The following CLDN16 variants were observed in gnomAD, a reference collection of about 807,000 sequenced individuals.
CLDN16 encodes claudin-16.
CLDN16 carries 13 observed loss-of-function variants against 24.6 expected under a neutral mutation model. That is an observed-to-expected ratio of 0.53 (90% CI 0.34 to 0.84). CLDN16 has a LOEUF of 0.84. Ranked by LOEUF, CLDN16 falls within the 40% of genes least tolerant of loss-of-function variation. CLDN16 has a pLI of 0.01. For missense variants in CLDN16, 298 were observed against 292.7 expected (o/e 1.02, Z -0.13); for synonymous variants, 116 against 106.7 (o/e 1.09, Z -0.54).
intron 1 of CLDN16, among the ~76,000 whole-genome samples, chr3:190,392,484 A>C (rs1380601847): frequency 6.6e-6 from 1 of 152,126 alleles, no homozygotes; most frequent in Non-Finnish European, 1.5e-5. Context: ...ATGAAGTAGG[A>C]TGAGACCTGG....
rs1169192099 is a variant in CLDN16 at position 190,365,799 on chromosome 3, A to G, written n.122-5094A>G. On this transcript the variant is annotated intron_variant and non_coding_transcript_variant, in intron 1 of 4. Transcript: ENST00000468220. ...GGCAATTTATTCACCATTGTGTTCC[A>G]TTCCTCCCCTAGCCGACCCAGTTCT... Among the ~76,000 whole-genome samples, 3 of 151,512 alleles carry G rather than the reference A, an allele frequency of 2.0e-5. No individual in the cohort carries two copies. The East Asian group carries it at 5.9e-4, about 30-fold the overall frequency.
upstream of CLDN16, among the ~76,000 whole-genome samples, chr3:190,385,467 A>G (rs1268947577): frequency 1.3e-5 from 2 of 152,192 alleles, no homozygotes; most frequent in African/African-American, 4.8e-5. Context: ...AGAGTAGTAA[A>G]CTTAAATTCA....
chr3:190,346,820 G>A (rs1026488014), intron 1 of CLDN16, among the ~76,000 whole-genome samples: 1 of 152,084 alleles, frequency 6.6e-6, no homozygotes, highest in African/African-American at 2.4e-5. Context: ...ATTCTCCCCT[G>A]TGTCTCCCAT....
intron 3 of CLDN16, among the ~76,000 whole-genome samples, chr3:190,405,493 TA>T (rs1195613326): frequency 2.0e-5 from 3 of 151,750 alleles, no homozygotes; most frequent in African/African-American, 4.8e-5. Context: ...TTTGGCCATT[TA>T]AAAAGTTACA....
chr3:190,396,990 G>C (rs1023038776), intron 1 of CLDN16, among the ~76,000 whole-genome samples: 1 of 152,164 alleles, frequency 6.6e-6, no homozygotes, highest in African/African-American at 2.4e-5. Context: ...GGAACCTGGT[G>C]AGCCTGAGCT....
chr3:190,296,131 A>T, the CLDN16 span, among the ~76,000 whole-genome samples: 1 of 152,220 alleles, frequency 6.6e-6, no homozygotes, highest in Non-Finnish European at 1.5e-5. Context: ...TTTGAGCTTT[A>T]CTATGTGATA....
the CLDN16 span, among the ~76,000 whole-genome samples, chr3:190,296,845 C>T: frequency 1.3e-5 from 2 of 152,086 alleles, no homozygotes; most frequent in African/African-American, 2.4e-5. Flanking sequence ...CCACCGCGCC[C>T]GGCCCAGATT....
chr3:190,303,915 A>T, the CLDN16 span, among the ~76,000 whole-genome samples: 3 of 152,184 alleles, frequency 2.0e-5, no homozygotes, highest in Admixed American at 6.5e-5. Context: ...CCCAATCCTG[A>T]ACCAGAAAAT....
chr3:190,293,531 A>G, the CLDN16 span, among the ~76,000 whole-genome samples: 1 of 152,248 alleles, frequency 6.6e-6, no homozygotes, highest in Non-Finnish European at 1.5e-5. Context: ...CTCTCTGGAA[A>G]TTAGACCATG....
At chr3:190,391,527 A>G (rs899219156) in intron 1 of CLDN16, among the ~76,000 whole-genome samples, 9 of 152,214 alleles carry the variant, frequency 5.9e-5, no homozygotes, top group African/African-American at 1.9e-4. Context: ...CCATCGAAGC[A>G]GGTCTCATGA....
chr3:190,323,003 TACACAC>T (rs147722582), intron 1 of CLDN16, among the ~76,000 whole-genome samples: 3 of 144,512 alleles, frequency 2.1e-5, no homozygotes, highest in Non-Finnish European at 3.0e-5. Context: ...CAACATGATT[TACACAC>T]ACACACACAC....
At chr3:190,304,332 T>C in the CLDN16 span, among the ~76,000 whole-genome samples, 5 of 152,192 alleles carry the variant, frequency 3.3e-5, no homozygotes, top group African/African-American at 1.2e-4. Flanking sequence ...ACATCCTTTG[T>C]ACTGCTTCAG....
intron 1 of CLDN16, among the ~76,000 whole-genome samples, chr3:190,339,034 G>A (rs532051530): frequency 1.9e-4 from 29 of 152,268 alleles, no homozygotes; most frequent in African/African-American, 4.8e-4. Flanking sequence ...GACAAGTGCA[G>A]GGATAAGACA....
intron 1 of CLDN16, among the ~76,000 whole-genome samples, chr3:190,346,202 A>G (rs1237760837): frequency 6.6e-6 from 1 of 152,158 alleles, no homozygotes; most frequent in Non-Finnish European, 1.5e-5. Context: ...AGGGAACCAC[A>G]TGTTAGAATG....
intron 2 of CLDN16, among the ~76,000 whole-genome samples, chr3:190,373,354 G>T (rs1359084764): frequency 6.6e-6 from 1 of 151,826 alleles, no homozygotes; most frequent in Non-Finnish European, 1.5e-5. Flanking sequence ...TTACACCTAC[G>T]ACCACAGCAG....
chr3:190,306,723 A>T, the CLDN16 span: 11 of 152,704 alleles, frequency 7.2e-5, no homozygotes, highest in African/African-American at 2.7e-4. Context: ...CATTCTGTAC[A>T]GACTGGAAAA....
At chr3:190,341,853 C>G (rs1043186457) in intron 1 of CLDN16, among the ~76,000 whole-genome samples, 63 of 152,026 alleles carry the variant, frequency 4.1e-4, no homozygotes, top group African/African-American at 1.4e-3. Flanking sequence ...CACCGGATAC[C>G]CCAAATCATC....
At chr3:190,371,647 T>G (rs1348332946) in intron 2 of CLDN16, among the ~76,000 whole-genome samples, 2 of 152,004 alleles carry the variant, frequency 1.3e-5, no homozygotes, top group African/African-American at 2.4e-5. Flanking sequence ...GTAGTGATTT[T>G]TGTCTATTTA....
intron 1 of CLDN16, among the ~76,000 whole-genome samples, chr3:190,365,366 A>C (rs1180077123): frequency 4.0e-5 from 6 of 151,402 alleles, no homozygotes; most frequent in African/African-American, 1.5e-4. Flanking sequence ...TGCACTCTTT[A>C]TTGTATTGGC....
Sources: gnomAD v4.1 joint callset for allele counts (sites outside exome capture counted in the v4.1 genomes callset) on GRCh38, gnomAD v4.1.1 for gene constraint, MANE v1.5 for transcripts, NCBI Gene and HGNC (gene_info 2026-07-23, HGNC 2026-07-21) for gene names.